Variants in MIR2052HG observed in about 807,000 individuals in gnomAD.
The protein encoded by MIR2052HG is MIR2052 host gene.
intron 2 of MIR2052HG, among the ~76,000 whole-genome samples, chr8:74,653,377 G>A (rs1395001539): frequency 6.6e-6 from 1 of 152,184 alleles, no homozygotes; most frequent in East Asian, 1.9e-4. Flanking sequence ...TTGAAGAGAT[G>A]CTACTTTTTA....
intron 5 of MIR2052HG, among the ~76,000 whole-genome samples, chr8:74,755,666 G>A (rs927510122): frequency 6.6e-6 from 1 of 152,122 alleles, no homozygotes; most frequent in Non-Finnish European, 1.5e-5. Flanking sequence ...CTATCCATCT[G>A]TTTCCCTGTC....
intron 4 of MIR2052HG, among the ~76,000 whole-genome samples, chr8:74,731,473 C>T (rs1041988604): frequency 9.2e-5 from 14 of 152,108 alleles, no homozygotes; most frequent in East Asian, 1.9e-4. Flanking sequence ...TGGAATTCCA[C>T]GCAGGATAGC....
intron 2 of MIR2052HG, among the ~76,000 whole-genome samples, chr8:74,655,681 C>A (rs1234425591): frequency 2.6e-5 from 4 of 152,148 alleles, no homozygotes; most frequent in Non-Finnish European, 4.4e-5. Flanking sequence ...CTTATGGAGA[C>A]CCTCTGCTAG....
intron 2 of MIR2052HG, among the ~76,000 whole-genome samples, chr8:74,642,844 A>C (rs1177187538): frequency 6.6e-6 from 1 of 152,174 alleles, no homozygotes; most frequent in African/African-American, 2.4e-5. Context: ...CTTGGGTTTC[A>C]TTGCGTGTCC....
At chr8:74,607,072 C>T (rs1258296807) in intron 1 of MIR2052HG, among the ~76,000 whole-genome samples, 1 of 150,782 alleles carries the variant, frequency 6.6e-6, no homozygotes, top group Non-Finnish European at 1.5e-5. Flanking sequence ...CTATATATAG[C>T]CTATAAGAAA....
chr8:74,602,876 T>TCTTTTC (rs1554570015), intron 1 of MIR2052HG, among the ~76,000 whole-genome samples: 19 of 137,112 alleles, frequency 1.4e-4, no homozygotes, highest in Admixed American at 3.0e-4. Context: ...TTTCTTTCTT[T>TCTTTTC]TTTCTATTCA....
chr8:74,658,547 G>A (rs1005953624), intron 2 of MIR2052HG, among the ~76,000 whole-genome samples: 2 of 151,758 alleles, frequency 1.3e-5, no homozygotes, highest in Non-Finnish European at 2.9e-5. Flanking sequence ...CACCACACCC[G>A]GCTAATTTTT....
intron 2 of MIR2052HG, among the ~76,000 whole-genome samples, chr8:74,679,683 C>T (rs771026084): frequency 2.1e-4 from 32 of 151,880 alleles, no homozygotes; most frequent in Non-Finnish European, 2.5e-4. Context: ...CCACCACACC[C>T]GGCTAAATTT....
intron 2 of MIR2052HG, among the ~76,000 whole-genome samples, chr8:74,636,851 A>T (rs1470424670): frequency 6.6e-6 from 1 of 152,128 alleles, no homozygotes; most frequent in Non-Finnish European, 1.5e-5. Context: ...ATTTATTGTG[A>T]TAAAAATGAA....
intron 2 of MIR2052HG, among the ~76,000 whole-genome samples, chr8:74,647,264 C>T (rs2016354): frequency 0.4 from 61,116 of 152,010 alleles, 13,441 homozygotes; most frequent in East Asian, 0.66. Flanking sequence ...AGGACAGAAA[C>T]ACCCAGGTTT....
intron 2 of MIR2052HG, among the ~76,000 whole-genome samples, chr8:74,682,741 C>G (rs150552010): frequency 1.3e-5 from 2 of 152,026 alleles, no homozygotes; most frequent in Non-Finnish European, 2.9e-5. Context: ...GAGCTACAAC[C>G]CTGCAAATCC....
intron 2 of MIR2052HG, among the ~76,000 whole-genome samples, chr8:74,664,805 A>G (rs140372910): frequency 3.3e-5 from 5 of 152,298 alleles, no homozygotes; most frequent in Non-Finnish European, 7.4e-5. Flanking sequence ...GGCGTGAGCC[A>G]CTGCACCAGG....
At chr8:74,719,950 C>T (rs1448215216) in intron 4 of MIR2052HG, among the ~76,000 whole-genome samples, 3 of 146,030 alleles carry the variant, frequency 2.1e-5, no homozygotes, top group Non-Finnish European at 4.5e-5. Context: ...CAGGTTCAAG[C>T]AGTTCTCCTT....
chr8:74,725,173 T>C (rs779750370), intron 4 of MIR2052HG, among the ~76,000 whole-genome samples: 6 of 152,202 alleles, frequency 3.9e-5, no homozygotes, highest in African/African-American at 9.6e-5. Context: ...CATTGGCATA[T>C]GAATTTGCAA....
intron 2 of MIR2052HG, among the ~76,000 whole-genome samples, chr8:74,639,057 A>C (rs1808612307): frequency 6.6e-6 from 1 of 152,152 alleles, no homozygotes; most frequent in Non-Finnish European, 1.5e-5. Context: ...AAAACAAAGG[A>C]AGAGAGTATT....
intron 1 of MIR2052HG, among the ~76,000 whole-genome samples, chr8:74,604,677 T>G (rs1808085859): frequency 6.8e-6 from 1 of 146,128 alleles, no homozygotes; most frequent in Admixed American, 6.9e-5. Flanking sequence ...CACTGCAACT[T>G]CCGTCTCCCA....
chr8:74,707,481 G>A (rs1035177643), intron 4 of MIR2052HG, among the ~76,000 whole-genome samples: 12 of 152,132 alleles, frequency 7.9e-5, no homozygotes, highest in Non-Finnish European at 1.6e-4. Flanking sequence ...TCATTTTCTT[G>A]TTTAGTCACT....
chr8:74,627,258 T>C (rs1333837636), intron 2 of MIR2052HG, among the ~76,000 whole-genome samples: 3 of 152,224 alleles, frequency 2.0e-5, no homozygotes, highest in Admixed American at 6.5e-5. Context: ...TCTCTCCCAC[T>C]CCCTACTGTA....
chr8:74,717,941 T>C (rs1809537309), intron 4 of MIR2052HG, among the ~76,000 whole-genome samples: 1 of 152,196 alleles, frequency 6.6e-6, no homozygotes, highest in Admixed American at 6.5e-5. Flanking sequence ...TTTGATAATA[T>C]ATAAAAGTGT....
Sources: gnomAD v4.1 joint callset for allele counts (sites outside exome capture counted in the v4.1 genomes callset) on GRCh38, gnomAD v4.1.1 for gene constraint, MANE v1.5 for transcripts, NCBI Gene and HGNC (gene_info 2026-07-23, HGNC 2026-07-21) for gene names.